Variants in RABL3 observed in about 807,000 individuals in gnomAD.
The protein encoded by RABL3 is RAB, member of RAS oncogene family like 3, also known as rab-like protein 3.
Under a neutral mutation model 31.8 loss-of-function variants are expected in RABL3, and 31 were observed. That is an observed-to-expected ratio of 0.97 (90% CI 0.73 to 1.31). The LOEUF is 1.31. Ranked by LOEUF, RABL3 falls within the 40% of genes most tolerant of loss-of-function variation. The pLI is 0.00. For synonymous variants in RABL3, 97 were observed against 99.9 expected (o/e 0.97, Z 0.18); for missense variants, 263 against 279.6 (o/e 0.94, Z 0.42).
At chr3:120,735,857 G>A (rs944701480) in intron 1 of RABL3, among the ~76,000 whole-genome samples, 2 of 152,206 alleles carry the variant, frequency 1.3e-5, no homozygotes, top group Admixed American at 1.3e-4. Context: ...GAGCGGTTTT[G>A]AGTGAGTTTC....
intron 4 of RABL3, among the ~76,000 whole-genome samples, chr3:120,702,488 C>T (rs960327494): frequency 5.3e-5 from 8 of 152,124 alleles, no homozygotes; most frequent in Non-Finnish European, 1.2e-4. Context: ...CACTGTGTGG[C>T]CTGGTTCCTA....
intron 1 of RABL3, among the ~76,000 whole-genome samples, chr3:120,731,116 T>C (rs1201121802): frequency 4.0e-5 from 4 of 99,194 alleles, no homozygotes; most frequent in African/African-American, 1.1e-4. Context: ...GGTCTCACTT[T>C]GAGAACCACT....
chr3:120,694,245 T>C (rs751569128), intron 5 of RABL3, 21 bp from the exon 6 acceptor site: 3 of 1,570,372 alleles, frequency 1.9e-6, no homozygotes, highest in Non-Finnish European at 2.6e-6. Context: ...AAACATAAGA[T>C]CCACAATTGA....
intron 1 of RABL3, among the ~76,000 whole-genome samples, chr3:120,741,155 C>T (rs943238164): frequency 6.6e-6 from 1 of 152,352 alleles, no homozygotes; most frequent in Middle Eastern, 3.4e-3. Context: ...CAGTGATACT[C>T]TTGCCAAGTC....
chr3:120,712,962 A>AT lies in RABL3; in HGVS notation c.139-3054dup, dbSNP rs113402211. On this transcript the variant is annotated intron_variant, in intron 2 of 7. Coordinates refer to ENST00000273375, the MANE Select transcript of RABL3 (RefSeq NM_173825.5). ...TCTGGGATGGGGCTCAAGAGTCTGT[A>AT]TTTTTTTTTTTTAAAGTTCCCTAGG... Among the ~76,000 whole-genome samples the AT allele has an allele frequency of 2.4e-3, 354 of 146,602 alleles. 4 individuals are homozygous for AT. Among genetic ancestry groups the AT allele is most frequent in the African/African-American group, 5.7e-3 (230 of 40,268 alleles).
intron 2 of RABL3, among the ~76,000 whole-genome samples, chr3:120,729,962 G>T (rs189020882): frequency 3.7e-4 from 56 of 150,948 alleles, no homozygotes; most frequent in African/African-American, 1.3e-3. Context: ...AAATATCAAA[G>T]ATTAAAAAAA....
chr3:120,730,811 G>A, intron 1 of RABL3, 24 bp from the exon 2 acceptor site: 1 of 1,487,768 alleles, frequency 6.7e-7, no homozygotes, highest in Non-Finnish European at 9.4e-7. Context: ...AAGAACTCTA[G>A]TCACATAAGA....
rs1486690932 is a variant in RABL3, at chr3:120,717,130, C to T, written c.139-7221G>A. On this transcript the variant is annotated intron_variant, in intron 2 of 7. Transcript: ENST00000273375. The stretch of plus-strand genomic sequence containing the variant: ...ATTTAGCCAGGCGTGGTGGTGGGTG[C>T]CTGTAATCCCAGCTACTCGGGAGGC... 5.3e-5 allele frequency among the ~76,000 whole-genome samples: 8 copies of T among 152,176 alleles called. No individual in the cohort carries two copies. In the East Asian group the frequency reaches 1.6e-3, roughly 30 times the overall value.
chr3:120,697,588 C>T (rs1708450838), intron 5 of RABL3, among the ~76,000 whole-genome samples: 1 of 152,186 alleles, frequency 6.6e-6, no homozygotes, highest in Admixed American at 6.5e-5. Flanking sequence ...GCTTACATGA[C>T]AACCATTTCT....
At chr3:120,692,106 GAC>G (rs1708386296) in intron 6 of RABL3, among the ~76,000 whole-genome samples, 1 of 152,196 alleles carries the variant, frequency 6.6e-6, no homozygotes, top group Non-Finnish European at 1.5e-5. Flanking sequence ...TCTATGGCAG[GAC>G]AGGAAAATCT....
chr3:120,740,883 G>A (rs1309921182), intron 1 of RABL3, among the ~76,000 whole-genome samples: 1 of 152,200 alleles, frequency 6.6e-6, no homozygotes, highest in East Asian at 1.9e-4. Context: ...GGGCAGTAGG[G>A]AAGCTTATCA....
chr3:120,692,478 G>A (rs534459501), intron 6 of RABL3, among the ~76,000 whole-genome samples: 52 of 152,306 alleles, frequency 3.4e-4, no homozygotes, highest in Non-Finnish European at 5.9e-4. Context: ...GATTACAGGC[G>A]TGAGGCACCG....
chr3:120,693,082 C>A (rs923682080), intron 6 of RABL3, among the ~76,000 whole-genome samples: 1 of 152,096 alleles, frequency 6.6e-6, no homozygotes, highest in South Asian at 2.1e-4. Flanking sequence ...AAAATGGAAG[C>A]GGTTGCCAAT....
At chr3:120,693,970 T>C (rs747511269) in intron 6 of RABL3, among the ~76,000 whole-genome samples, 183 bp downstream of exon 6, 1 of 152,168 alleles carries the variant, frequency 6.6e-6, no homozygotes, top group Non-Finnish European at 1.5e-5. Context: ...ACACTGGTGA[T>C]GGAATAAATA....
chr3:120,723,709 G>A (rs886880591), intron 2 of RABL3, among the ~76,000 whole-genome samples: 2 of 152,096 alleles, frequency 1.3e-5, no homozygotes, highest in African/African-American at 2.4e-5. Flanking sequence ...ACATGATTAT[G>A]TCAATAGATG....
chr3:120,739,584 A>G (rs554409851), intron 1 of RABL3, among the ~76,000 whole-genome samples: 12 of 152,078 alleles, frequency 7.9e-5, no homozygotes, highest in African/African-American at 2.9e-4. Context: ...AAATATATTA[A>G]TCATTTTACG....
chr3:120,708,733 T>C (rs1184701849), intron 3 of RABL3, among the ~76,000 whole-genome samples: 2 of 152,002 alleles, frequency 1.3e-5, no homozygotes, highest in African/African-American at 4.8e-5. Context: ...TATATCAAGG[T>C]CATCTTATAA....
intron 5 of RABL3, among the ~76,000 whole-genome samples, chr3:120,698,060 T>C (rs1157437945): frequency 6.6e-6 from 1 of 152,138 alleles, no homozygotes; most frequent in South Asian, 2.1e-4. Flanking sequence ...GCTACTCAGG[T>C]GGCCTAAGCA....
intron 2 of RABL3, among the ~76,000 whole-genome samples, chr3:120,721,479 G>A (rs1708740586): frequency 6.6e-6 from 1 of 151,962 alleles, no homozygotes; most frequent in Non-Finnish European, 1.5e-5. Context: ...AGGGATGGAA[G>A]AACATCTACT....
Sources: allele counts gnomAD v4.1 joint callset (sites outside exome capture counted in the v4.1 genomes callset), GRCh38; gene constraint gnomAD v4.1.1; transcripts MANE v1.5; gene names NCBI Gene and HGNC (gene_info 2026-07-23, HGNC 2026-07-21).